The following PRKDC variants were observed in gnomAD, a reference collection of about 807,000 sequenced individuals.
PRKDC encodes the protein DNA-dependent protein kinase catalytic subunit.
In PRKDC, 82 loss-of-function variants were observed where a neutral mutation model predicts 486.9. The observed-to-expected ratio is 0.17, with a 90% CI of 0.14 to 0.20. The LOEUF (loss-of-function observed/expected upper bound fraction) is 0.20. Among genes scored for constraint, PRKDC ranks in the 10% least tolerant of loss-of-function variants. The pLI, the probability that PRKDC is intolerant of heterozygous loss-of-function variation, is 1.00. For missense variants in PRKDC, 4,504 were observed against 5,038.2 expected (o/e 0.89, Z 3.21); for synonymous variants, 1,895 against 1,837.0 (o/e 1.03, Z -0.81).
chr8:47,877,910 G>T, intron 39 of PRKDC, 59 bp from the exon 40 acceptor site: 1 of 1,266,968 alleles, frequency 7.9e-7, no homozygotes, highest in East Asian at 2.8e-5. Flanking sequence ...TGCTTCAATA[G>T]TTAAATTATA....
At position 47,858,968 on chromosome 8, in the gene PRKDC, C is replaced by T; in HGVS notation, c.6226G>A (p.Val2076Met). ...FRRREQRDPT[V>M]HDDVLELEMD... ...TCCAGCTCCAGCACATCATCATGCA[C>T]CGTGGGGTCCCGCTGCTCCTGCGAA... The change falls in exon 47 of 86, where the codon GTG becomes ATG. Residue 2076 changes from valine to methionine, a missense_variant. Physicochemically the swap from Val to Met is conservative, Grantham distance 21 (BLOSUM62 1). Around this residue, in one of 6 missense-constraint regions of PRKDC, gnomAD observed 1,592 missense variants for 1,724.6 expected, o/e 0.92. Transcript: ENST00000314191. 1 of 1,613,120 alleles carries T rather than the reference C, an allele frequency of 6.2e-7. No individual in the cohort carries two copies. Among genetic ancestry groups the T allele is most frequent in the East Asian group, 2.2e-5 (1 of 44,882 alleles).
At chr8:47,854,867 T>G (rs2088496621) in intron 50 of PRKDC, among the ~76,000 whole-genome samples, 1 of 152,178 alleles carries the variant, frequency 6.6e-6, no homozygotes, top group Non-Finnish European at 1.5e-5. Flanking sequence ...AATTCTCCCT[T>G]AGTTGATAGC....
chr8:47,944,228 T>C (rs2090492680), intron 7 of PRKDC, among the ~76,000 whole-genome samples, 199 bp from the exon 8 acceptor site: 1 of 152,074 alleles, frequency 6.6e-6, no homozygotes, highest in African/African-American at 2.4e-5. Context: ...AAAGAAAATC[T>C]GGAATAACAA....
chr8:47,888,369 A>G, intron 34 of PRKDC, 149 bp downstream of exon 34: 1 of 557,880 alleles, frequency 1.8e-6, no homozygotes, highest in Non-Finnish European at 2.9e-6. Context: ...ATACAGATAC[A>G]TAATATCTAC....
chr8:47,863,688 A>C, intron 41 of PRKDC, 111 bp from the exon 42 acceptor site: 3 of 909,498 alleles, frequency 3.3e-6, no homozygotes, highest in Non-Finnish European at 4.9e-6. Flanking sequence ...GAATTTTAAC[A>C]GTCAAAAATG....
At chr8:47,934,506 G>C (rs1479338298) in intron 14 of PRKDC, among the ~76,000 whole-genome samples, 1 of 152,196 alleles carries the variant, frequency 6.6e-6, no homozygotes. Context: ...CTGCACTCCA[G>C]CCTGGGTGAC....
At chr8:47,871,142 CG>C (rs1563777033) in intron 40 of PRKDC, among the ~76,000 whole-genome samples, 1 of 152,012 alleles carries the variant, frequency 6.6e-6, no homozygotes, top group Non-Finnish European at 1.5e-5. Context: ...GAAAAGGTAG[CG>C]GGAGACAGGG....
intron 54 of PRKDC, among the ~76,000 whole-genome samples, chr8:47,843,617 G>T (rs2088200935): frequency 1.3e-5 from 2 of 152,234 alleles, no homozygotes; most frequent in South Asian, 4.2e-4. Context: ...AGGTCGATGT[G>T]AAAGAAAAAA....
At position 47,886,125 on chromosome 8, in the gene PRKDC, A is replaced by G; in HGVS notation, c.4595T>C (p.Leu1532Pro). The G allele has an allele frequency of 6.2e-7, 1 of 1,609,670 alleles. No homozygotes were observed. ...CGTGGACAGCACCGCTGGGTTCAGG[A>G]GAAGACTCACAAGGCGCTCACACTG... is the stretch of plus-strand genomic sequence containing the variant. Reference protein sequence around the residue: ...GGLCERLVSLLLNPAVLSTAS... With the variant: ...GGLCERLVSLPLNPAVLSTAS... The change falls in exon 36 of 86, where the codon CTC becomes CCC. Residue 1532 changes from leucine to proline, a missense_variant. Leu to Pro is a moderately conservative substitution (Grantham distance 98). Around this residue, in one of 6 missense-constraint regions of PRKDC, gnomAD observed 1,969 missense variants for 2,068.9 expected, o/e 0.95. Transcript: ENST00000314191.
At position 47,942,128 on chromosome 8, in the gene PRKDC, TTCTC is replaced by T. The variant is rs8178012; in HGVS notation, c.966+1077_966+1080del. ...TCCTCCTTGCTAACAAGGCATGAAA[TTCTC>T]TCTGTCAAGATGTTTATCGCAGTAA... On this transcript the variant is annotated intron_variant, in intron 10 of 85. Coordinates refer to ENST00000314191, the MANE Select transcript of PRKDC (RefSeq NM_006904.7). 1.8e-3 allele frequency among the ~76,000 whole-genome samples: 277 copies of T among 152,344 alleles called. 5 individuals carry two copies. The East Asian group carries it at 0.047, about 26-fold the overall frequency.
intron 29 of PRKDC, among the ~76,000 whole-genome samples, chr8:47,897,772 T>C (rs2089608469): frequency 6.6e-6 from 1 of 152,220 alleles, no homozygotes; most frequent in Non-Finnish European, 1.5e-5. Flanking sequence ...TTAGAACCAA[T>C]GAACTAAACT....
chr8:47,872,734 G>T (rs1478655186), intron 40 of PRKDC, among the ~76,000 whole-genome samples: 1 of 152,082 alleles, frequency 6.6e-6, no homozygotes, highest in Non-Finnish European at 1.5e-5. Context: ...TCAGCAAGAG[G>T]ATATAACAAT....
chr8:47,929,922 G>A lies in PRKDC; in HGVS notation c.1983C>T (p.Pro661=). 6.2e-7 allele frequency: 1 copy of A among 1,608,726 alleles called. No homozygotes were observed. The highest frequency in any genetic ancestry group is 8.5e-7 in the Non-Finnish European group (1 of 1,178,120). The change falls in exon 18 of 86, where the codon CCC becomes CCT. Residue 661 remains proline (P), a synonymous_variant. Transcript: ENST00000314191. The part of the protein sequence containing the change: ...YELILQSTRL[P]LISGFYKLLS... The stretch of plus-strand genomic sequence containing the variant: ...GCAATTTGTAGAAACCACTGATGAG[G>A]GGCAACCTTGTAGATTGCAAAATTA...
chr8:47,773,313 T>C lies in PRKDC; in HGVS notation c.*860A>G, dbSNP rs189550710. 2 of 226,128 alleles carry C rather than the reference T, an allele frequency of 8.8e-6. No homozygotes were observed. The highest frequency in any genetic ancestry group is 1.1e-4 in the Admixed American group (2 of 17,490). 14.0% of individuals were successfully genotyped at this position (226,128 alleles called of 1,614,324 possible). ...CACTTTTGTATTCCATAATTTCATC[T>C]TGTTGTGCTAGAATGCATGCTTTTT... is the stretch of plus-strand genomic sequence containing the variant. On this transcript the variant is annotated 3_prime_UTR_variant, in exon 86 of 86. Coordinates refer to ENST00000314191, the MANE Select transcript of PRKDC (RefSeq NM_006904.7).
chr8:47,798,871 G>A (rs2087037834), intron 72 of PRKDC, among the ~76,000 whole-genome samples: 1 of 151,612 alleles, frequency 6.6e-6, no homozygotes, highest in African/African-American at 2.4e-5. Flanking sequence ...GTGCAGTAGT[G>A]GATATCGGCT....
rs1310016114 is a variant in PRKDC at position 47,782,780 on chromosome 8, G to A, written c.11176-182C>T. On this transcript the variant is annotated intron_variant, in intron 78 of 85. Coordinates refer to ENST00000314191, the MANE Select transcript of PRKDC (RefSeq NM_006904.7). This position sits in a 1 kb window ranked among gnomAD's most constrained non-coding sequence, Gnocchi z 4.9. ...CTGCTTGTGCCTGACTGCTGTGCCC[G>A]CAGAAATGTTGTATTCCTGATTATA... 12 of 618,140 alleles carry A rather than the reference G, an allele frequency of 1.9e-5. No homozygotes were observed. The highest frequency in any genetic ancestry group is 1.7e-4 in the East Asian group (6 of 36,184). The allele number at this position is 618,140 out of a possible 1,614,324, so 38.3% of individuals were successfully genotyped here. A position where few individuals can be genotyped will look rare whatever the true frequency, so the allele number is the denominator to read the frequency against.
chr8:47,851,699 C>A (rs1486650794), intron 52 of PRKDC, among the ~76,000 whole-genome samples: 1 of 152,142 alleles, frequency 6.6e-6, no homozygotes, highest in Non-Finnish European at 1.5e-5. Context: ...CTGGACGAGG[C>A]GGGCAGGGGA....
In PRKDC at chr8:47,933,046, C is replaced by G. The variant is rs1414122154; in HGVS notation, c.1750G>C (p.Glu584Gln). The G allele has an allele frequency of 5.0e-6, 8 of 1,597,502 alleles. No individual in the cohort carries two copies. The African/African-American group carries it at 8.1e-5, about 16-fold the overall frequency. ...KIVEKLDLTL[E>Q]IQTVGEQENG... The stretch of plus-strand genomic sequence containing the variant: ...TCTTGTTCCCCAACAGTCTGTATTT[C>G]AAGTGTAAGATCCAATTTCTCAACA... Residue 584 changes from glutamate to glutamine, a missense_variant, in exon 16 of 86, where the codon GAA becomes CAA. Physicochemically the swap from Glu to Gln is conservative, Grantham distance 29. Transcript: ENST00000314191.
chr8:47,786,599 A>G (rs1188282108), intron 76 of PRKDC, among the ~76,000 whole-genome samples: 1 of 152,180 alleles, frequency 6.6e-6, no homozygotes, highest in Non-Finnish European at 1.5e-5. Flanking sequence ...GTAGTTCAAT[A>G]GAAATAAATG....
Sources: gnomAD v4.1 joint callset for allele counts (sites outside exome capture counted in the v4.1 genomes callset) on GRCh38, gnomAD v4.1.1 for gene constraint, gnomAD v4.1.1 regional missense constraint, Gnocchi (gnomAD v3.1) non-coding constraint, MANE v1.5 for transcripts, NCBI Gene and HGNC (gene_info 2026-07-23, HGNC 2026-07-21) for gene names.